Variants in KLHL29 observed in about 807,000 individuals in gnomAD.
The protein encoded by KLHL29 is kelch-like protein 29.
In KLHL29, 21 loss-of-function variants were observed where a neutral mutation model predicts 80.4. The ratio of observed to expected loss-of-function variants is 0.26; its 90% CI spans 0.19 to 0.38. The LOEUF is 0.38. Among genes scored for constraint, KLHL29 ranks in the 10% least tolerant of loss-of-function variants. The probability of loss-of-function intolerance (pLI) is 1.00; values close to 1 mark genes in which losing one functional copy is unlikely to be tolerated. For missense variants in KLHL29, 867 were observed against 1,223.9 expected, an observed-to-expected ratio of 0.71 and a Z score of 4.35; for synonymous variants, 511 against 526.8, an observed-to-expected ratio of 0.97 and a Z score of 0.41.
At chr2:23,674,467 G>T (rs1012806804) in intron 5 of KLHL29, among the ~76,000 whole-genome samples, 1 of 152,092 alleles carries the variant, frequency 6.6e-6, no homozygotes, top group African/African-American at 2.4e-5. Flanking sequence ...TGACCCCAGG[G>T]CACTCAGAGC....
At chr2:23,548,137 C>T (rs1667025540) in intron 2 of KLHL29, among the ~76,000 whole-genome samples, 2 of 152,196 alleles carry the variant, frequency 1.3e-5, no homozygotes, top group South Asian at 4.1e-4. Context: ...AAGGAGCTGC[C>T]AACCTCATGG....
Position 23,543,787 on chromosome 2 carries a change from G to A in KLHL29, c.-45-18365G>A, listed in dbSNP as rs915193669. 1.1e-4 allele frequency among the ~76,000 whole-genome samples: 16 copies of A among 152,190 alleles called. No homozygotes were observed. In the East Asian group the frequency reaches 2.3e-3, roughly 22 times the overall value. ...GAGTAATTTTCCTCGGAGGAATTGC[G>A]TCGTGGATGTGTACGCTCCTGGGGG... On this transcript the variant is annotated intron_variant, in intron 2 of 13. Coordinates refer to ENST00000486442, the MANE Select transcript of KLHL29 (RefSeq NM_052920.2).
intron 1 of KLHL29, among the ~76,000 whole-genome samples, chr2:23,411,491 C>T (rs1226202321): frequency 6.8e-6 from 1 of 147,874 alleles, no homozygotes; most frequent in Non-Finnish European, 1.5e-5. Context: ...TGGGTTATGA[C>T]CTCTAAGCTG....
intron 1 of KLHL29, among the ~76,000 whole-genome samples, chr2:23,389,995 C>T (rs1666278078): frequency 6.6e-6 from 1 of 152,118 alleles, no homozygotes; most frequent in Admixed American, 6.5e-5. Flanking sequence ...AATTCTTTAC[C>T]TGCACCTTAG....
Position 23,389,091 on chromosome 2 carries a change from G to A in KLHL29, c.-154+3311G>A, listed in dbSNP as rs1366171745. On this transcript the variant is annotated intron_variant, in intron 1 of 13. Transcript: ENST00000486442. Reference sequence around the variant, plus strand: ...TTGGAGAGACTTCGAGACTATATTAGAGCAGGTCTGTCCTGGGGTCTTTTC... The same window carrying A: ...TTGGAGAGACTTCGAGACTATATTAAAGCAGGTCTGTCCTGGGGTCTTTTC... Among the ~76,000 whole-genome samples the A allele has an allele frequency of 2.0e-5, 3 of 148,980 alleles. No homozygotes were observed. The East Asian group carries it at 6.0e-4, about 30-fold the overall frequency.
chr2:23,414,487 G>A (rs896256627), intron 1 of KLHL29, among the ~76,000 whole-genome samples: 4 of 152,240 alleles, frequency 2.6e-5, no homozygotes, highest in African/African-American at 9.6e-5. Flanking sequence ...CAGGTGTGGA[G>A]TGGGTTCAGG....
At chr2:23,443,334 A>G (rs1663584916) in intron 1 of KLHL29, among the ~76,000 whole-genome samples, 1 of 152,216 alleles carries the variant, frequency 6.6e-6, no homozygotes, top group Non-Finnish European at 1.5e-5. Flanking sequence ...ATTACACCTA[A>G]TAAGATAAAA....
At chr2:23,405,676 G>A (rs1003150192) in intron 1 of KLHL29, among the ~76,000 whole-genome samples, 7 of 152,120 alleles carry the variant, frequency 4.6e-5, no homozygotes, top group African/African-American at 1.7e-4. Context: ...CACAAGACTC[G>A]AGCAGGAGAT....
At chr2:23,512,744 C>T (rs560252688) in intron 2 of KLHL29, among the ~76,000 whole-genome samples, 2 of 152,358 alleles carry the variant, frequency 1.3e-5, no homozygotes, top group South Asian at 4.1e-4. Context: ...CAGAGAGCTT[C>T]GCCTCCCAGA....
At chr2:23,401,064 T>C (rs1280370946) in intron 1 of KLHL29, among the ~76,000 whole-genome samples, 1 of 152,252 alleles carries the variant, frequency 6.6e-6, no homozygotes, top group East Asian at 1.9e-4. Context: ...AATTTATCCG[T>C]GTGAAAGCCA....
At chr2:23,550,528 G>A (rs553260462) in intron 2 of KLHL29, among the ~76,000 whole-genome samples, 2 of 152,294 alleles carry the variant, frequency 1.3e-5, no homozygotes, top group Admixed American at 6.5e-5. Flanking sequence ...GAGCAATTCC[G>A]CAGCCGTCAA....
In KLHL29 at chr2:23,544,304, G is replaced by A. The variant is rs1033717645; in HGVS notation, c.-45-17848G>A. Among the ~76,000 whole-genome samples the A allele has an allele frequency of 5.9e-5, 9 of 152,152 alleles. No individual in the cohort carries two copies. The South Asian group carries it at 1.2e-3, about 21-fold the overall frequency. ...CTGGGCCAAGATACAGCATTGAACC[G>A]AGCTGGCAGGTGGAGACTGTGGTGC... On this transcript the variant is annotated intron_variant, in intron 2 of 13. Coordinates refer to ENST00000486442, the MANE Select transcript of KLHL29 (RefSeq NM_052920.2).
At chr2:23,554,949 A>G (rs1289400838) in intron 2 of KLHL29, among the ~76,000 whole-genome samples, 3 of 152,198 alleles carry the variant, frequency 2.0e-5, no homozygotes, top group East Asian at 3.9e-4. Context: ...CTGGGGCACC[A>G]GGATTTCCTT....
At chr2:23,690,518 A>G (rs1300195189) in intron 6 of KLHL29, 1 of 152,294 alleles carries the variant, frequency 6.6e-6, no homozygotes, top group East Asian at 1.9e-4. Context: ...CGTCACAAGC[A>G]TCTTGCCCTG....
At chr2:23,699,362 A>G (rs934501421) in intron 11 of KLHL29, among the ~76,000 whole-genome samples, 6 of 152,198 alleles carry the variant, frequency 3.9e-5, no homozygotes, top group Admixed American at 2.0e-4. Flanking sequence ...CTCACCGAAC[A>G]GTGAGCAGCA....
chr2:23,408,413 C>T (rs1390553664), intron 1 of KLHL29, among the ~76,000 whole-genome samples: 2 of 150,268 alleles, frequency 1.3e-5, no homozygotes, highest in Non-Finnish European at 1.5e-5. Context: ...CAGGAATGTG[C>T]TATTCCATTT....
intron 5 of KLHL29, 26 bp downstream of exon 5, chr2:23,642,876 C>G (rs971182101): frequency 6.5e-7 from 1 of 1,550,130 alleles, no homozygotes; most frequent in Non-Finnish European, 8.7e-7. Flanking sequence ...ACGTGCCTCC[C>G]CACGGGCCTG....
intron 1 of KLHL29, among the ~76,000 whole-genome samples, chr2:23,450,282 C>T (rs1663837735): frequency 1.3e-5 from 2 of 152,126 alleles, no homozygotes; most frequent in African/African-American, 2.4e-5. Flanking sequence ...GACGTGCCGC[C>T]AGGCCGAGAT....
chr2:23,608,696 G>T (rs1377688039), intron 3 of KLHL29, among the ~76,000 whole-genome samples: 1 of 152,122 alleles, frequency 6.6e-6, no homozygotes, highest in Non-Finnish European at 1.5e-5. Flanking sequence ...ATTACAATAT[G>T]GAGCGTTTAG....
Sources: gnomAD v4.1 joint callset for allele counts (sites outside exome capture counted in the v4.1 genomes callset) on GRCh38, gnomAD v4.1.1 for gene constraint, MANE v1.5 for transcripts, NCBI Gene and HGNC (gene_info 2026-07-23, HGNC 2026-07-21) for gene names.